Variants in GDF1 observed in about 807,000 individuals in gnomAD.
The protein encoded by GDF1 is embryonic growth/differentiation factor 1.
Under a neutral mutation model 7.4 loss-of-function variants are expected in GDF1, and 8 were observed. The observed-to-expected ratio is 1.09, with a 90% CI of 0.64 to 1.96. The LOEUF is 1.96. Ranked by LOEUF, GDF1 falls within the 30% of genes most tolerant of loss-of-function variation. GDF1 has a pLI of 0.00. For synonymous variants in GDF1, 311 were observed against 276.7 expected, an observed-to-expected ratio of 1.12 and a Z score of -1.23; for missense variants, 574 against 551.5, an observed-to-expected ratio of 1.04 and a Z score of -0.41.
rs560072286 is a variant in GDF1 at position 18,893,456 on chromosome 19, G to A, written c.-954C>T. On this transcript the variant is annotated 5_prime_UTR_variant, in exon 2 of 8. Coordinates refer to ENST00000247005, the MANE Select transcript of GDF1 (RefSeq NM_001492.6). ...GTGGGTCATGGAAGAAGGGGTAGTC[G>A]GTGCCAAACAGCAGGTAGGCACTGT... 67 of 1,606,354 alleles carry A rather than the reference G, an allele frequency of 4.2e-5. No homozygotes were observed. The highest frequency in any genetic ancestry group is 4.7e-5 in the Non-Finnish European group (55 of 1,176,680).
At position 18,882,480 on chromosome 19, in the gene GDF1, A is replaced by C. The variant is rs1347851058; in HGVS notation, c.-733+1607T>G. ...AAACCCCATCTCTACTAAAAATATA[A>C]TAATTAGCCGGTGTGATGTCATACC... On this transcript the variant is annotated intron_variant, in intron 3 of 7. Transcript: ENST00000247005. Among the ~76,000 whole-genome samples, 3 of 151,506 alleles carry C rather than the reference A, an allele frequency of 2.0e-5. No homozygotes were observed. In the East Asian group the frequency reaches 6.1e-4, roughly 31 times the overall value.
intron 6 of GDF1, among the ~76,000 whole-genome samples, chr19:18,872,268 C>A (rs1350189947): frequency 6.6e-6 from 1 of 152,250 alleles, no homozygotes; most frequent in Admixed American, 6.5e-5. Context: ...TCAGAAACAG[C>A]TGTCAGTATT....
rs530013840 is a variant in GDF1 at position 18,873,303 on chromosome 19, A to G, written c.-312-2684T>C. On this transcript the variant is annotated intron_variant, in intron 6 of 7. Coordinates refer to ENST00000247005, the MANE Select transcript of GDF1 (RefSeq NM_001492.6). Reference sequence around the variant, plus strand: ...AGCTGCGTGGCTAGGAGAGAAATGTAGGAGTCGGTGTGGATTAAGTGTGGG... The same window carrying G: ...AGCTGCGTGGCTAGGAGAGAAATGTGGGAGTCGGTGTGGATTAAGTGTGGG... 2.0e-5 allele frequency among the ~76,000 whole-genome samples: 3 copies of G among 152,248 alleles called. No individual in the cohort carries two copies. The East Asian group carries it at 5.8e-4, about 29-fold the overall frequency.
chr19:18,894,534 G>A (rs892543575), intron 1 of GDF1, among the ~76,000 whole-genome samples: 1 of 152,112 alleles, frequency 6.6e-6, no homozygotes, highest in Non-Finnish European at 1.5e-5. Flanking sequence ...CCCGGGGCTC[G>A]GCCCTGGTAG....
At chr19:18,888,895 T>C (rs910962236) in intron 2 of GDF1, among the ~76,000 whole-genome samples, 5 of 148,074 alleles carry the variant, frequency 3.4e-5, no homozygotes, top group African/African-American at 1.0e-4. Context: ...CTTTCTTTTT[T>C]TTTTTTTTTT....
chr19:18,886,606 T>C lies in GDF1; in HGVS notation c.-913-2339A>G, dbSNP rs568196693. ...AACAAAAAAAGGCGGGAAGCCATGC[T>C]GTGCTCTGCCCACACCAACCTGGAA... On this transcript the variant is annotated intron_variant, in intron 2 of 7. Coordinates refer to ENST00000247005, the MANE Select transcript of GDF1 (RefSeq NM_001492.6). Among the ~76,000 whole-genome samples the C allele has an allele frequency of 2.6e-5, 4 of 152,270 alleles. No homozygotes were observed. In the South Asian group the frequency reaches 8.3e-4, roughly 32 times the overall value.
rs2055952459 is a variant in GDF1 at position 18,870,673 on chromosome 19, C to G, written c.-312-54G>C. The G allele has an allele frequency of 3.9e-6, 2 of 512,002 alleles. No individual in the cohort carries two copies. The highest frequency in any genetic ancestry group is 3.5e-6 in the Non-Finnish European group (1 of 282,788). 31.7% of individuals were successfully genotyped at this position (512,002 alleles called of 1,614,324 possible). On this transcript the variant is annotated intron_variant, in intron 6 of 7. Transcript: ENST00000247005. This position sits in a 1 kb window ranked among gnomAD's most constrained non-coding sequence, Gnocchi z 5.1. The stretch of plus-strand genomic sequence containing the variant: ...CTGGGAGCCCCACGCGGCCGCCTGG[C>G]CCTCTTTCCCGCTTCTTCTCTGGCC...
At chr19:18,875,920 G>A (rs894623588) in intron 6 of GDF1, among the ~76,000 whole-genome samples, 10 of 152,230 alleles carry the variant, frequency 6.6e-5, no homozygotes, top group African/African-American at 2.4e-4. Context: ...CCCAGAGGGA[G>A]CACCGCCCAG....
intron 4 of GDF1, among the ~76,000 whole-genome samples, 164 bp from the exon 5 acceptor site, chr19:18,879,552 C>T (rs968892776): frequency 2.0e-5 from 3 of 151,328 alleles, no homozygotes; most frequent in African/African-American, 7.3e-5. Context: ...CCCTGCCATG[C>T]CCCGCCCACC....
rs377159972 is a variant in GDF1, at chr19:18,879,015, C to A, written c.-398G>T. ...AGCTCGTGCACCTGGCCTGTCAACA[C>A]CTTGGCTGCAAACGCCACGATGTAC... On this transcript the variant is annotated 5_prime_UTR_variant, in exon 6 of 8. Coordinates refer to ENST00000247005, the MANE Select transcript of GDF1 (RefSeq NM_001492.6). The A allele has an allele frequency of 4.3e-6, 7 of 1,613,754 alleles. No homozygotes were observed. The highest frequency in any genetic ancestry group is 5.9e-6 in the Non-Finnish European group (7 of 1,179,846).
chr19:18,870,429 G>A lies in GDF1; in HGVS notation c.-122C>T. The A allele has an allele frequency of 1.0e-6, 1 of 996,856 alleles. No homozygotes were observed. The highest frequency in any genetic ancestry group is 1.5e-6 in the Non-Finnish European group (1 of 669,520). 61.8% of individuals were successfully genotyped at this position (996,856 alleles called of 1,614,324 possible). ...TCCTGGGGGGCGTGGCCGGGAACTG[G>A]AGGCAGGATGAGGGGGCGGGGTCCC... On this transcript the variant is annotated 5_prime_UTR_variant, in exon 7 of 8. Transcript: ENST00000247005. This position sits in a 1 kb window ranked among gnomAD's most constrained non-coding sequence, Gnocchi z 5.1.
chr19:18,895,775 G>T lies in GDF1; in HGVS notation c.-1074+49C>A. 9.3e-7 allele frequency: 1 copy of T among 1,074,368 alleles called. No homozygotes were observed. Among genetic ancestry groups the T allele is most frequent in the Non-Finnish European group, 1.2e-6 (1 of 857,036 alleles). The allele number at this position is 1,074,368 out of a possible 1,614,324, so 66.6% of individuals were successfully genotyped here. Reference sequence around the variant, plus strand: ...CGGCGGCCCCAGGTCCCCGGTCCCGGCTTCCCCCAGTCCGGGGTCCCCTCG... The same window carrying T: ...CGGCGGCCCCAGGTCCCCGGTCCCGTCTTCCCCCAGTCCGGGGTCCCCTCG... On this transcript the variant is annotated intron_variant, in intron 1 of 7. Transcript: ENST00000247005. The surrounding 1 kb of genome is among the most constrained non-coding windows in gnomAD (Gnocchi z 6.4).
chr19:18,868,793 C>T lies in GDF1; in HGVS notation c.923G>A (p.Gly308Glu). 6.9e-7 allele frequency: 1 copy of T among 1,459,508 alleles called. No individual in the cohort carries two copies. Among genetic ancestry groups the T allele is most frequent in the East Asian group, 3.2e-5 (1 of 31,706 alleles). 90.4% of individuals were successfully genotyped at this position (1,459,508 alleles called of 1,614,324 possible). ...GQCALPVALS[G>E]SGGPPALNHA... ...GTTGAGCGCCGGCGGCCCCCCGGAC[C>T]CCGACAGCGCGACGGGCAGCGCGCA... The change falls in exon 8 of 8, where the codon GGG becomes GAG. Residue 308 changes from glycine (G) to glutamate (E), a missense_variant. Gly to Glu is a moderately conservative substitution (Grantham distance 98). Transcript: ENST00000247005.
In GDF1 at chr19:18,892,434, G is replaced by A. The variant is rs545363142; in HGVS notation, c.-914+982C>T. Among the ~76,000 whole-genome samples, 16 of 151,970 alleles carry A rather than the reference G, an allele frequency of 1.1e-4. No individual in the cohort carries two copies. The East Asian group carries it at 1.8e-3, about 17-fold the overall frequency. On this transcript the variant is annotated intron_variant, in intron 2 of 7. Coordinates refer to ENST00000247005, the MANE Select transcript of GDF1 (RefSeq NM_001492.6). ...TTGAGACCATCCTGGCTAACACGGT[G>A]AAACCCCGTCTCTACTAAAAATACA...
chr19:18,882,717 G>T (rs775530973), intron 3 of GDF1, among the ~76,000 whole-genome samples: 1 of 151,040 alleles, frequency 6.6e-6, no homozygotes, highest in Non-Finnish European at 1.5e-5. Flanking sequence ...TTTTGAGACG[G>T]AGTCTCGCTC....
intron 6 of GDF1, among the ~76,000 whole-genome samples, chr19:18,872,039 C>G (rs1229439847): frequency 6.6e-6 from 1 of 152,214 alleles, no homozygotes; most frequent in Non-Finnish European, 1.5e-5. Context: ...CCCGTGCTTT[C>G]CATTCCTGCC....
intron 2 of GDF1, among the ~76,000 whole-genome samples, chr19:18,885,553 T>C: frequency 6.8e-6 from 1 of 146,124 alleles, no homozygotes; most frequent in Non-Finnish European, 1.5e-5. Flanking sequence ...GGAGTCTTGC[T>C]CTGTAGCCCA....
In GDF1 at chr19:18,895,857, G is replaced by C. The variant is rs3746263; in HGVS notation, c.-1107C>G. On this transcript the variant is annotated 5_prime_UTR_variant, in exon 1 of 8. Coordinates refer to ENST00000247005, the MANE Select transcript of GDF1 (RefSeq NM_001492.6). The surrounding 1 kb of genome is among the most constrained non-coding windows in gnomAD (Gnocchi z 6.4). ...GGCGCGCAGTGGCCGCGGAGCGCAGGGCGGTCCAGCCCAGCGCGCCGAGCG... is the reference window on the plus strand; with the variant it reads ...GGCGCGCAGTGGCCGCGGAGCGCAGCGCGGTCCAGCCCAGCGCGCCGAGCG... 876,443 of 1,293,584 alleles carry C rather than the reference G, an allele frequency of 0.68. 301,065 individuals carry two copies. The highest frequency in any genetic ancestry group is 0.81 in the Middle Eastern group (2,669 of 3,288). 80.1% of individuals were successfully genotyped at this position (1,293,584 alleles called of 1,614,324 possible). A position where few individuals can be genotyped will look rare whatever the true frequency, so the allele number is the denominator to read the frequency against.
Position 18,892,877 on chromosome 19 carries a change from A to AG in GDF1, c.-914+538dup, listed in dbSNP as rs35104754. ...CTGGCTTAACTTCTGAGACACCCATAGGAGCTCTGATTCTGATAAGCATCC... is the reference window on the plus strand; with the variant it reads ...CTGGCTTAACTTCTGAGACACCCATAGGGAGCTCTGATTCTGATAAGCATCC... On this transcript the variant is annotated intron_variant, in intron 2 of 7. Coordinates refer to ENST00000247005, the MANE Select transcript of GDF1 (RefSeq NM_001492.6). Among the ~76,000 whole-genome samples the AG allele has an allele frequency of 5.0e-4, 76 of 152,144 alleles. No homozygotes were observed. The East Asian group carries it at 0.011, about 22-fold the overall frequency.
Sources: gnomAD v4.1 joint callset for allele counts (sites outside exome capture counted in the v4.1 genomes callset) on GRCh38, gnomAD v4.1.1 for gene constraint, Gnocchi (gnomAD v3.1) non-coding constraint, MANE v1.5 for transcripts, NCBI Gene and HGNC (gene_info 2026-07-23, HGNC 2026-07-21) for gene names.